STAB2: variants seen among roughly 807,000 people sequenced by gnomAD.
The protein encoded by STAB2 is stabilin-2.
STAB2 carries 288 observed loss-of-function variants against 338.1 expected under a neutral mutation model. That is an observed-to-expected ratio of 0.85 (90% confidence interval 0.77 to 0.94). The LOEUF (loss-of-function observed/expected upper bound fraction) is 0.94. Ranked by LOEUF, STAB2 falls within the 40% of genes least tolerant of loss-of-function variation. The probability of loss-of-function intolerance (pLI) is 0.00; values close to 1 mark genes in which losing one functional copy is unlikely to be tolerated. For missense variants in STAB2, 3,141 were observed against 3,210.1 expected, an observed-to-expected ratio of 0.98 and a Z score of 0.52; for synonymous variants, 1,202 against 1,193.3, an observed-to-expected ratio of 1.01 and a Z score of -0.15.
intron 30 of STAB2, 147 bp from the exon 31 acceptor site, chr12:103,692,662 GACA>G (rs1878050461): frequency 1.0e-5 from 6 of 589,190 alleles, no homozygotes; most frequent in South Asian, 2.2e-5. Flanking sequence ...GGGTCTATGG[GACA>G]ACAAGTTAAA....
intron 12 of STAB2, among the ~76,000 whole-genome samples, chr12:103,654,124 A>G (rs1873998043): frequency 1.3e-5 from 2 of 152,362 alleles, no homozygotes. Flanking sequence ...ATATTTACTA[A>G]GTCTGTCACT....
intron 29 of STAB2, 91 bp from the exon 30 acceptor site, chr12:103,690,333 A>T (rs1427025789): frequency 8.6e-7 from 1 of 1,157,020 alleles, no homozygotes; most frequent in Non-Finnish European, 1.2e-6. Context: ...GACTATGGCA[A>T]TCTGGCTCCA....
chr12:103,765,346 C>T (rs1884861910), intron 68 of STAB2, among the ~76,000 whole-genome samples: 1 of 152,214 alleles, frequency 6.6e-6, no homozygotes, highest in African/African-American at 2.4e-5. Flanking sequence ...ATTCAGACTA[C>T]ATGGCAAAAA....
At chr12:103,745,017 T>A (rs1320292308) in intron 56 of STAB2, among the ~76,000 whole-genome samples, 156 bp from the exon 57 acceptor site, 1 of 152,174 alleles carries the variant, frequency 6.6e-6, no homozygotes, top group African/African-American at 2.4e-5. Context: ...AGTCCCTGAA[T>A]AAGTTATTTT....
chr12:103,702,009 C>T lies in STAB2; in HGVS notation c.3715-1139C>T, dbSNP rs1024176856. Among the ~76,000 whole-genome samples, 529 of 145,472 alleles carry T rather than the reference C, an allele frequency of 3.6e-3. 3 individuals are homozygous for T. Among genetic ancestry groups the T allele is most frequent in the African/African-American group, 0.013 (505 of 38,130 alleles). On this transcript the variant is annotated intron_variant, in intron 34 of 68. Coordinates refer to ENST00000388887, the MANE Select transcript of STAB2 (RefSeq NM_017564.10). ...ACACACACACACACACACACACACA[C>T]ACACACACACACACCCCACCCCAAT...
At chr12:103,602,140 TGGAAAA>T (rs1956963500) in intron 3 of STAB2, among the ~76,000 whole-genome samples, 1 of 152,206 alleles carries the variant, frequency 6.6e-6, no homozygotes, top group Admixed American at 6.5e-5. Flanking sequence ...TCCCAATCCC[TGGAAAA>T]TACTAACCTG....
At chr12:103,676,514 T>C (rs1008921365) in intron 24 of STAB2, among the ~76,000 whole-genome samples, 1 of 152,212 alleles carries the variant, frequency 6.6e-6, no homozygotes, top group Admixed American at 6.5e-5. Flanking sequence ...AGGGTCTCAC[T>C]CTGTTACCCA....
At position 103,766,149 on chromosome 12, in the gene STAB2, A is replaced by T. The variant is rs557113618; in HGVS notation, c.7606-137A>T. 81 of 1,194,894 alleles carry T rather than the reference A, an allele frequency of 6.8e-5. No individual in the cohort carries two copies. In the African/African-American group the frequency reaches 1.1e-3, roughly 16 times the overall value. 74.0% of individuals were successfully genotyped at this position (1,194,894 alleles called of 1,614,324 possible). A position where few individuals can be genotyped will look rare whatever the true frequency, so the allele number is the denominator to read the frequency against. ...CTGCCTCCCAACACAAGGCAGCAGC[A>T]CAAACAAACACGCCCAGCACATACG... is the stretch of plus-strand genomic sequence containing the variant. On this transcript the variant is annotated intron_variant, in intron 68 of 68. Coordinates refer to ENST00000388887, the MANE Select transcript of STAB2 (RefSeq NM_017564.10).
chr12:103,677,003 A>G (rs112398378), intron 24 of STAB2, among the ~76,000 whole-genome samples: 3,827 of 151,918 alleles, frequency 0.025, 151 homozygotes, highest in African/African-American at 0.085. Context: ...TCTCCTTCTC[A>G]TTCTGTCCTC....
At chr12:103,761,199 A>G in intron 65 of STAB2, 101 bp from the exon 66 acceptor site, 4 of 1,079,642 alleles carry the variant, frequency 3.7e-6, no homozygotes, top group Non-Finnish European at 5.6e-6. Flanking sequence ...ACAAACCTGA[A>G]ACATGGGCTC....
chr12:103,713,634 C>T lies in STAB2; in HGVS notation c.4412-9C>T. ...CCTCTCCCCTTCTGCTCTGTGTCAT[C>T]TTCTATAGCAATCAATGCCTGTGAG... On this transcript the variant is annotated splice_polypyrimidine_tract_variant and intron_variant, in intron 41 of 68. Coordinates refer to ENST00000388887, the MANE Select transcript of STAB2 (RefSeq NM_017564.10). The T allele has an allele frequency of 6.2e-7, 1 of 1,613,646 alleles. No individual in the cohort carries two copies. The highest frequency in any genetic ancestry group is 8.5e-7 in the Non-Finnish European group (1 of 1,179,690).
At chr12:103,725,228 A>C in intron 45 of STAB2, 134 bp downstream of exon 45, 1 of 1,381,070 alleles carries the variant, frequency 7.2e-7, no homozygotes, top group Non-Finnish European at 9.7e-7. Context: ...TTTTACATAA[A>C]TCAGCAATGA....
chr12:103,660,614 G>A, intron 16 of STAB2, 69 bp from the exon 17 acceptor site: 1 of 1,521,234 alleles, frequency 6.6e-7, no homozygotes, highest in Non-Finnish European at 9.1e-7. Flanking sequence ...TTCTAGTGAG[G>A]ACTTTAAGAA....
chr12:103,704,792 C>T (rs979404019), intron 36 of STAB2, 178 bp downstream of exon 36: 39 of 588,538 alleles, frequency 6.6e-5, no homozygotes, highest in Non-Finnish European at 2.0e-5. Context: ...TTTTTTGGAC[C>T]AAGGCAAAAT....
intron 65 of STAB2, 61 bp from the exon 66 acceptor site, chr12:103,761,239 C>G: frequency 3.9e-6 from 6 of 1,519,852 alleles, no homozygotes; most frequent in Non-Finnish European, 5.5e-6. Flanking sequence ...AACAACTTCC[C>G]TCCATGGAGG....
At position 103,711,478 on chromosome 12, in the gene STAB2, A is replaced by G. The variant is rs775281544; in HGVS notation, c.4296A>G (p.Thr1432=). Residue 1432 remains threonine (T), a synonymous_variant, in exon 40 of 69, where the codon ACA becomes ACG. Transcript: ENST00000388887. ...ACTGGTTCTCTTTTTCAGCAACCAC[A>G]GAAGACAACTGCAATGGGACATGCC... ...WRGVHCDNAT[T]EDNCNGTCHT... The G allele has an allele frequency of 3.1e-6, 5 of 1,614,170 alleles. No homozygotes were observed. Among genetic ancestry groups the G allele is most frequent in the African/African-American group, 2.7e-5 (2 of 75,062 alleles).
At chr12:103,698,785 T>C (rs934946834) in intron 33 of STAB2, among the ~76,000 whole-genome samples, 1 of 152,118 alleles carries the variant, frequency 6.6e-6, no homozygotes, top group Non-Finnish European at 1.5e-5. Context: ...GGACTCTAAC[T>C]TCTCAGTAGT....
At position 103,630,434 on chromosome 12, in the gene STAB2, G is replaced by A. The variant is rs528546828; in HGVS notation, c.488-1164G>A. Among the ~76,000 whole-genome samples the A allele has an allele frequency of 6.6e-5, 10 of 152,282 alleles. No homozygotes were observed. In the South Asian group the frequency reaches 1.5e-3, roughly 22 times the overall value. ...AACATTAAGTTGGCTTACGTGCACC[G>A]AAGACACGTGTAGTAGGCAGAAAAA... On this transcript the variant is annotated intron_variant, in intron 5 of 68. Transcript: ENST00000388887.
intron 6 of STAB2, among the ~76,000 whole-genome samples, chr12:103,634,347 A>G (rs1957510618): frequency 6.6e-6 from 1 of 152,220 alleles, no homozygotes; most frequent in African/African-American, 2.4e-5. Context: ...AATTCCTTGC[A>G]GTGACATCAT....
Sources: allele counts gnomAD v4.1 joint callset (sites outside exome capture counted in the v4.1 genomes callset), GRCh38; gene constraint gnomAD v4.1.1; transcripts MANE v1.5; gene names NCBI Gene and HGNC (gene_info 2026-07-23, HGNC 2026-07-21).